MGST1: variants seen among roughly 807,000 people sequenced by gnomAD.
MGST1 encodes glutathione S-transferase 12.
Under a neutral mutation model 8.9 loss-of-function variants are expected in MGST1, and 5 were observed. The observed-to-expected ratio is 0.56, with a 90% CI of 0.29 to 1.19. The LOEUF is 1.19. Among genes scored for constraint, MGST1 ranks in the 50% most tolerant of loss-of-function variants. MGST1 has a pLI of 0.08. For missense variants in MGST1, 182 were observed against 187.4 expected, an observed-to-expected ratio of 0.97 and a Z score of 0.17; for synonymous variants, 54 against 67.8, an observed-to-expected ratio of 0.80 and a Z score of 1.00.
At chr12:16,465,574 G>T (rs1941248263) in intron 4 of MGST1, among the ~76,000 whole-genome samples, 1 of 152,132 alleles carries the variant, frequency 6.6e-6, no homozygotes, top group Non-Finnish European at 1.5e-5. Flanking sequence ...GACGGATCTA[G>T]GTTGCACGCT....
chr12:16,374,208 G>A (rs1940344597), intron 3 of MGST1, among the ~76,000 whole-genome samples: 1 of 152,154 alleles, frequency 6.6e-6, no homozygotes, highest in South Asian at 2.1e-4. Flanking sequence ...ATGGCCAAAT[G>A]AAACTAAATG....
chr12:16,561,007 A>G (rs1323806751), intron 4 of MGST1, among the ~76,000 whole-genome samples: 1 of 152,196 alleles, frequency 6.6e-6, no homozygotes, highest in African/African-American at 2.4e-5. Context: ...TGAAGAAGCC[A>G]TTTAAATAGT....
Position 16,506,896 on chromosome 12 carries a change from G to A in MGST1, n.483-82632G>A, listed in dbSNP as rs150321804. Among the ~76,000 whole-genome samples the A allele has an allele frequency of 9.8e-4, 149 of 152,190 alleles. 2 individuals are homozygous for A. Among genetic ancestry groups the A allele is most frequent in the African/African-American group, 3.2e-3 (134 of 41,542 alleles). Reference sequence around the variant, plus strand: ...ATGTTTTGAACAGTTACTGTTTGTCGGACAGGGTACAAACAAGATAGTGAT... The same window carrying A: ...ATGTTTTGAACAGTTACTGTTTGTCAGACAGGGTACAAACAAGATAGTGAT... On this transcript the variant is annotated intron_variant and non_coding_transcript_variant, in intron 4 of 4. Transcript: ENST00000538857.
intron 4 of MGST1, among the ~76,000 whole-genome samples, chr12:16,469,618 G>A (rs1321098122): frequency 6.6e-6 from 1 of 152,196 alleles, no homozygotes; most frequent in Non-Finnish European, 1.5e-5. Context: ...GAAGATGAGA[G>A]AACCCATCTG....
At chr12:16,402,930 AAAT>A (rs1940669917) in intron 1 of MGST1, among the ~76,000 whole-genome samples, 1 of 137,664 alleles carries the variant, frequency 7.3e-6, no homozygotes, top group Admixed American at 7.5e-5. Context: ...ATAAAAGTAA[AAAT>A]AAAATACATT....
At chr12:16,484,928 T>A (rs1462089583) in intron 4 of MGST1, among the ~76,000 whole-genome samples, 1 of 152,252 alleles carries the variant, frequency 6.6e-6, no homozygotes, top group Admixed American at 6.5e-5. Context: ...ACCTAAACCC[T>A]GATCACTATG....
chr12:16,402,433 C>A (rs149659454), intron 1 of MGST1: 1 of 1,603,156 alleles, frequency 6.2e-7, no homozygotes, highest in Admixed American at 1.7e-5. Context: ...CCCTGGACGC[C>A]GCTTCTCCTC....
intron 4 of MGST1, among the ~76,000 whole-genome samples, chr12:16,451,185 G>A (rs1478236238): frequency 6.6e-6 from 1 of 151,750 alleles, no homozygotes; most frequent in South Asian, 2.1e-4. Context: ...ATAGGTGGTG[G>A]ATACATTCTA....
Position 16,401,388 on chromosome 12 carries a change from G to T in MGST1, n.778+17784G>T. ...TTCCCACCCCAAATCCTAGGTTTCT[G>T]GTAATTTTGTTCAGGAGTTCTGGCT... On this transcript the variant is annotated intron_variant and non_coding_transcript_variant, in intron 1 of 1. Coordinates refer to the MGST1 transcript ENST00000359720. The surrounding 1 kb of genome is among the most constrained non-coding windows in gnomAD (Gnocchi z 4.3). 1 of 1,106,590 alleles carries T rather than the reference G, an allele frequency of 9.0e-7. No homozygotes were observed. Among genetic ancestry groups the T allele is most frequent in the Non-Finnish European group, 1.4e-6 (1 of 722,492 alleles). 68.5% of individuals were successfully genotyped at this position (1,106,590 alleles called of 1,614,324 possible). A position where few individuals can be genotyped will look rare whatever the true frequency, so the allele number is the denominator to read the frequency against.
chr12:16,486,976 A>G (rs1941403105), intron 4 of MGST1, among the ~76,000 whole-genome samples: 2 of 152,160 alleles, frequency 1.3e-5, no homozygotes, highest in African/African-American at 4.8e-5. Flanking sequence ...GCCATATGCC[A>G]TCCCTGATTT....
intron 4 of MGST1, among the ~76,000 whole-genome samples, chr12:16,523,152 C>T (rs1046391600): frequency 6.6e-6 from 1 of 152,054 alleles, no homozygotes; most frequent in Non-Finnish European, 1.5e-5. Context: ...TCTATCAATT[C>T]AGTAAATTAG....
At chr12:16,562,087 A>G (rs1942427626) in intron 4 of MGST1, among the ~76,000 whole-genome samples, 1 of 152,202 alleles carries the variant, frequency 6.6e-6, no homozygotes, top group Non-Finnish European at 1.5e-5. Flanking sequence ...TTAAAAAGAA[A>G]GAACTTGCTC....
At chr12:16,459,652 G>A (rs944149993) in intron 4 of MGST1, among the ~76,000 whole-genome samples, 4 of 152,222 alleles carry the variant, frequency 2.6e-5, no homozygotes, top group East Asian at 1.9e-4. Context: ...GGAACAGAAT[G>A]TCAGATCAAG....
intron 1 of MGST1, among the ~76,000 whole-genome samples, chr12:16,402,961 ATT>A (rs1419238118): frequency 7.1e-6 from 1 of 141,034 alleles, no homozygotes; most frequent in East Asian, 2.1e-4. Context: ...TTCTCTATAT[ATT>A]TATTATTATT....
At chr12:16,498,462 A>C (rs1241396872) in intron 4 of MGST1, among the ~76,000 whole-genome samples, 2 of 152,166 alleles carry the variant, frequency 1.3e-5, no homozygotes, top group African/African-American at 4.8e-5. Flanking sequence ...CAACTCCTCC[A>C]AAACTCAGTC....
chr12:16,506,632 A>T (rs1941539173), intron 4 of MGST1, among the ~76,000 whole-genome samples: 4 of 152,092 alleles, frequency 2.6e-5, no homozygotes, highest in Admixed American at 2.6e-4. Context: ...TTGTAAATAC[A>T]ATTTTCTTGG....
In MGST1 at chr12:16,560,614, A is replaced by G; in HGVS notation, n.483-28914A>G. ...GAGATCGTGAAGAGAGATGATGTTA[A>G]TATACTCTGTAAAGCTACAATACAC... On this transcript the variant is annotated intron_variant and non_coding_transcript_variant, in intron 4 of 4. Transcript: ENST00000538857. This position sits in a 1 kb window ranked among gnomAD's most constrained non-coding sequence, Gnocchi z 5.0. 3.9e-6 allele frequency: 5 copies of G among 1,293,886 alleles called. No individual in the cohort carries two copies. The highest frequency in any genetic ancestry group is 5.5e-6 in the Non-Finnish European group (5 of 914,814). 80.2% of individuals were successfully genotyped at this position (1,293,886 alleles called of 1,614,324 possible).
intron 1 of MGST1, among the ~76,000 whole-genome samples, chr12:16,390,776 T>C (rs1273427446): frequency 1.3e-5 from 2 of 152,154 alleles, no homozygotes; most frequent in Non-Finnish European, 1.5e-5. Context: ...AACATTCACA[T>C]GTATGTCTTT....
intron 1 of MGST1, among the ~76,000 whole-genome samples, chr12:16,388,716 A>G (rs113438690): frequency 1.6e-4 from 24 of 152,324 alleles, no homozygotes; most frequent in African/African-American, 5.8e-4. Context: ...CACTTAGTGG[A>G]ACCCTTCAAG....
Sources: allele counts gnomAD v4.1 joint callset (sites outside exome capture counted in the v4.1 genomes callset), GRCh38; gene constraint gnomAD v4.1.1; non-coding constraint Gnocchi (gnomAD v3.1); transcripts MANE v1.5; gene names NCBI Gene and HGNC (gene_info 2026-07-23, HGNC 2026-07-21).